EPB41: variants seen among roughly 807,000 people sequenced by gnomAD.
EPB41 encodes the protein protein 4.1.
EPB41 carries 65 observed loss-of-function variants against 108.0 expected under a neutral mutation model. That is an observed-to-expected ratio of 0.60 (90% CI 0.49 to 0.74). EPB41 has a LOEUF of 0.74. Among genes scored for constraint, EPB41 ranks in the 30% least tolerant of loss-of-function variants. The pLI is 0.00. For missense variants in EPB41, 875 were observed against 1,037.0 expected (o/e 0.84, Z 2.15); for synonymous variants, 336 against 358.9 (o/e 0.94, Z 0.72).
In EPB41 at chr1:28,980,922, G is replaced by A. The variant is rs560689855; in HGVS notation, c.-7-6509G>A. Reference sequence around the variant, plus strand: ...CGAGTAGCGGGGATTACAGACGTCCGCCACCAGGCCCAGCTAGTTTTTGTA... The same window carrying A: ...CGAGTAGCGGGGATTACAGACGTCCACCACCAGGCCCAGCTAGTTTTTGTA... On this transcript the variant is annotated intron_variant, in intron 1 of 20. Transcript: ENST00000343067. Among the ~76,000 whole-genome samples, 11 of 150,358 alleles carry A rather than the reference G, an allele frequency of 7.3e-5. No homozygotes were observed. The South Asian group carries it at 1.5e-3, about 21-fold the overall frequency.
At chr1:28,988,082 G>T (rs534058308) in intron 2 of EPB41, among the ~76,000 whole-genome samples, 177 bp downstream of exon 2, 1 of 152,322 alleles carries the variant, frequency 6.6e-6, no homozygotes, top group South Asian at 2.1e-4. Context: ...GGCCAACATG[G>T]CCAAACCCTG....
At chr1:28,939,370 GT>G (rs1305227283) in intron 1 of EPB41, among the ~76,000 whole-genome samples, 5 of 151,964 alleles carry the variant, frequency 3.3e-5, no homozygotes, top group African/African-American at 1.2e-4. Flanking sequence ...GTATGTAATT[GT>G]TTTTTATAGC....
At chr1:29,041,167 A>T (rs1040638051) in intron 11 of EPB41, 4 of 150,388 alleles carry the variant, frequency 2.7e-5, no homozygotes, top group African/African-American at 4.9e-5. Flanking sequence ...AAATAAATAA[A>T]TAAATAAATA....
At chr1:29,026,418 A>G (rs1008761729) in intron 7 of EPB41, among the ~76,000 whole-genome samples, 2 of 152,202 alleles carry the variant, frequency 1.3e-5, no homozygotes, top group African/African-American at 4.8e-5. Context: ...GTAGATACAT[A>G]CACAGATACA....
chr1:28,968,650 A>G (rs1224557268), intron 1 of EPB41, among the ~76,000 whole-genome samples: 2 of 151,984 alleles, frequency 1.3e-5, no homozygotes, highest in Non-Finnish European at 2.9e-5. Flanking sequence ...GTTACTTTCA[A>G]TGGCAAAAAC....
intron 11 of EPB41, among the ~76,000 whole-genome samples, chr1:29,039,983 C>T (rs1640890140): frequency 6.6e-6 from 1 of 152,156 alleles, no homozygotes; most frequent in Non-Finnish European, 1.5e-5. Context: ...AATTATAAAT[C>T]TAAATCTATC....
At chr1:29,001,377 G>GGGTA (rs143164450) in intron 4 of EPB41, among the ~76,000 whole-genome samples, 16,700 of 152,046 alleles carry the variant, frequency 0.11, 1,142 homozygotes, top group African/African-American at 0.2. Flanking sequence ...TAGTCTGGAT[G>GGGTA]GGTATCACAG....
intron 4 of EPB41, among the ~76,000 whole-genome samples, chr1:28,998,805 A>C (rs767877993): frequency 3.3e-5 from 5 of 152,190 alleles, no homozygotes; most frequent in African/African-American, 4.8e-5. Flanking sequence ...GTAAATCTCA[A>C]ATGTTCTCAT....
At chr1:29,088,367 T>C (rs1660018594) in intron 16 of EPB41, among the ~76,000 whole-genome samples, 2 of 152,098 alleles carry the variant, frequency 1.3e-5, no homozygotes, top group South Asian at 4.1e-4. Context: ...TTCTTACAGA[T>C]TCCCCATCAG....
At chr1:28,945,099 A>AAAAAG (rs2094447491) in intron 1 of EPB41, among the ~76,000 whole-genome samples, 8 of 151,350 alleles carry the variant, frequency 5.3e-5, no homozygotes, top group African/African-American at 1.9e-4. Flanking sequence ...AAAAGAAAAA[A>AAAAAG]AAAAAAAAAG....
intron 1 of EPB41, among the ~76,000 whole-genome samples, chr1:28,943,603 C>T (rs529165794): frequency 1.3e-5 from 2 of 151,790 alleles, no homozygotes; most frequent in South Asian, 2.1e-4. Flanking sequence ...GAGCTGATAT[C>T]GTGCCACTGC....
chr1:28,923,475 G>A (rs1255327591), intron 1 of EPB41, among the ~76,000 whole-genome samples: 1 of 152,064 alleles, frequency 6.6e-6, no homozygotes, highest in Admixed American at 6.6e-5. Context: ...TTCTTTAATT[G>A]TAATATAAAA....
chr1:28,926,312 G>C (rs2093442183), intron 1 of EPB41, among the ~76,000 whole-genome samples: 1 of 152,132 alleles, frequency 6.6e-6, no homozygotes, highest in Non-Finnish European at 1.5e-5. Context: ...ATCTTTTAAG[G>C]TTATTTTGAT....
At chr1:29,067,113 G>C (rs1648410929) in intron 16 of EPB41, among the ~76,000 whole-genome samples, 2 of 151,404 alleles carry the variant, frequency 1.3e-5, no homozygotes, top group Non-Finnish European at 1.5e-5. Flanking sequence ...CTAGCACTTT[G>C]GGAGGCTGAG....
chr1:29,074,419 T>C (rs1652966830), intron 16 of EPB41, among the ~76,000 whole-genome samples: 1 of 152,242 alleles, frequency 6.6e-6, no homozygotes, highest in African/African-American at 2.4e-5. Context: ...TAATCTGTTT[T>C]GTGTGGCATG....
intron 16 of EPB41, among the ~76,000 whole-genome samples, chr1:29,094,753 T>G (rs1662588795): frequency 6.6e-6 from 1 of 152,200 alleles, no homozygotes; most frequent in African/African-American, 2.4e-5. Flanking sequence ...TTCTTTTAAC[T>G]TTAGGAATAG....
intron 1 of EPB41, among the ~76,000 whole-genome samples, chr1:28,924,675 A>G (rs1485779082): frequency 6.6e-6 from 1 of 152,248 alleles, no homozygotes; most frequent in African/African-American, 2.4e-5. Flanking sequence ...AGTAATAGAT[A>G]ACTAAAACAT....
intron 12 of EPB41, chr1:29,054,019 T>G (rs573512823): frequency 6.6e-6 from 1 of 152,412 alleles, no homozygotes; most frequent in East Asian, 1.9e-4. Flanking sequence ...CTAAGATGGA[T>G]GTATGCACAT....
intron 1 of EPB41, among the ~76,000 whole-genome samples, chr1:28,895,897 G>A (rs1164644733): frequency 6.6e-6 from 1 of 152,182 alleles, no homozygotes; most frequent in African/African-American, 2.4e-5. Flanking sequence ...GCTGGTGGGA[G>A]CTACTGACGT....
Sources: gnomAD v4.1 joint callset for allele counts (sites outside exome capture counted in the v4.1 genomes callset) on GRCh38, gnomAD v4.1.1 for gene constraint, MANE v1.5 for transcripts, NCBI Gene and HGNC (gene_info 2026-07-23, HGNC 2026-07-21) for gene names.